The following NRXN1 variants were observed in gnomAD, a reference collection of about 807,000 sequenced individuals.
The protein encoded by NRXN1 is neurexin-1.
Under a neutral mutation model 150.9 loss-of-function variants are expected in NRXN1, and 39 were observed. The ratio of observed to expected loss-of-function variants is 0.26; its 90% CI spans 0.20 to 0.34. NRXN1 has a LOEUF of 0.34. Among genes scored for constraint, NRXN1 ranks in the 10% least tolerant of loss-of-function variants. NRXN1 has a pLI of 1.00. For synonymous variants in NRXN1, 924 were observed against 757.0 expected (o/e 1.22, Z -3.62); for missense variants, 1,815 against 1,949.9 (o/e 0.93, Z 1.30).
Position 50,194,505 on chromosome 2 carries a change from C to T in NRXN1, c.3546+42284G>A, listed in dbSNP as rs80191116. 8.2e-3 allele frequency among the ~76,000 whole-genome samples: 1,249 copies of T among 152,026 alleles called. 24 individuals are homozygous for T. The highest frequency in any genetic ancestry group is 0.028 in the African/African-American group (1,180 of 41,472). On this transcript the variant is annotated intron_variant, in intron 18 of 22. Transcript: ENST00000401669. The stretch of plus-strand genomic sequence containing the variant: ...AGTTCAAAAACTTTAAAGTTCTTTA[C>T]CCCCCCGATTCCCCAACTTCAAAAC...
chr2:50,106,333 G>A (rs1701639664), intron 18 of NRXN1, among the ~76,000 whole-genome samples: 1 of 151,834 alleles, frequency 6.6e-6, no homozygotes, highest in African/African-American at 2.4e-5. Context: ...TTAATGCAAG[G>A]AATCATAAAG....
intron 2 of NRXN1, among the ~76,000 whole-genome samples, chr2:50,974,335 T>C (rs1695493009): frequency 6.6e-6 from 1 of 152,170 alleles, no homozygotes; most frequent in Non-Finnish European, 1.5e-5. Flanking sequence ...CAACAGATCT[T>C]TAGGCCTGAA....
intron 9 of NRXN1, among the ~76,000 whole-genome samples, chr2:50,541,626 G>C (rs551823151): frequency 3.9e-5 from 6 of 152,082 alleles, no homozygotes; most frequent in Non-Finnish European, 7.4e-5. Flanking sequence ...CATTAGACTT[G>C]AGTTTTCTGA....
At position 50,706,740 on chromosome 2, in the gene NRXN1, C is replaced by T. The variant is rs1031452851; in HGVS notation, c.833-83125G>A. On this transcript the variant is annotated intron_variant, in intron 5 of 22. Transcript: ENST00000401669. ...GTTAAATGGGAATCTTATCAATGACCGGTGCATTTTTAATTTCAATATGAT... is the reference window on the plus strand; with the variant it reads ...GTTAAATGGGAATCTTATCAATGACTGGTGCATTTTTAATTTCAATATGAT... Among the ~76,000 whole-genome samples the T allele has an allele frequency of 9.9e-5, 15 of 151,386 alleles. No homozygotes were observed. The East Asian group carries it at 1.7e-3, about 18-fold the overall frequency.
At chr2:50,779,179 C>A (rs1307767235) in intron 5 of NRXN1, among the ~76,000 whole-genome samples, 2 of 152,074 alleles carry the variant, frequency 1.3e-5, no homozygotes, top group South Asian at 4.1e-4. Context: ...CCCCTAGCAC[C>A]CCTCACCCTG....
chr2:50,515,601 G>A (rs1436052168), intron 12 of NRXN1, among the ~76,000 whole-genome samples: 2 of 24,342 alleles, frequency 8.2e-5, no homozygotes, highest in Non-Finnish European at 1.4e-4. Context: ...AATGCTTGGG[G>A]TGTGTGTGTG....
At chr2:50,758,753 T>A (rs1285055018) in intron 5 of NRXN1, among the ~76,000 whole-genome samples, 1 of 151,936 alleles carries the variant, frequency 6.6e-6, no homozygotes, top group Non-Finnish European at 1.5e-5. Flanking sequence ...CAACTTCATG[T>A]CAGAAAGCAA....
chr2:50,531,663 TC>T (rs958747181), intron 10 of NRXN1, among the ~76,000 whole-genome samples: 1 of 152,058 alleles, frequency 6.6e-6, no homozygotes, highest in Non-Finnish European at 1.5e-5. Context: ...TATCAGCAGT[TC>T]CTTTTTTTTT....
At chr2:50,922,150 C>T (rs774248866) in intron 4 of NRXN1, among the ~76,000 whole-genome samples, 3 of 151,822 alleles carry the variant, frequency 2.0e-5, no homozygotes, top group African/African-American at 7.3e-5. Flanking sequence ...GAGAGACATA[C>T]AATAAATCTA....
intron 5 of NRXN1, among the ~76,000 whole-genome samples, chr2:50,828,635 G>A (rs1255396940): frequency 6.6e-6 from 1 of 151,754 alleles, no homozygotes; most frequent in Non-Finnish European, 1.5e-5. Context: ...AAGATGGGTG[G>A]CCGGGCAGAG....
chr2:50,162,893 ACTCT>A (rs1311678376), intron 18 of NRXN1, among the ~76,000 whole-genome samples: 1 of 151,740 alleles, frequency 6.6e-6, no homozygotes, highest in Non-Finnish European at 1.5e-5. Flanking sequence ...AGAATCATAT[ACTCT>A]CTCTTGTTAA....
rs535730808 is a variant in NRXN1 at position 50,813,957 on chromosome 2, AGAG to A, written c.832+107909_832+107911del. On this transcript the variant is annotated intron_variant, in intron 5 of 22. Coordinates refer to ENST00000401669, the MANE Select transcript of NRXN1 (RefSeq NM_001330078.2). The stretch of plus-strand genomic sequence containing the variant: ...GCTTAGTTGTTTCTACCAAGATTAA[AGAG>A]GAGATCATAGCCAAGTTTCTTTTAA... Among the ~76,000 whole-genome samples the A allele has an allele frequency of 2.5e-3, 384 of 152,328 alleles. 3 individuals carry two copies. The highest frequency in any genetic ancestry group is 6.8e-3 in the Middle Eastern group (2 of 294).
intron 17 of NRXN1, among the ~76,000 whole-genome samples, chr2:50,283,606 T>C (rs1357129289): frequency 2.0e-5 from 3 of 152,174 alleles, no homozygotes; most frequent in Non-Finnish European, 4.4e-5. Context: ...ATTATACTAC[T>C]CCTCAAATAG....
intron 16 of NRXN1, among the ~76,000 whole-genome samples, chr2:50,465,975 T>C (rs1415095052): frequency 6.6e-6 from 1 of 151,844 alleles, no homozygotes; most frequent in African/African-American, 2.4e-5. Context: ...TGAGATAAGA[T>C]TGGCAAAATA....
intron 17 of NRXN1, among the ~76,000 whole-genome samples, chr2:50,435,150 C>T (rs1416210358): frequency 6.6e-6 from 1 of 152,024 alleles, no homozygotes; most frequent in Non-Finnish European, 1.5e-5. Context: ...CTAAGTTTAG[C>T]AGAGAGAGTT....
intron 9 of NRXN1, among the ~76,000 whole-genome samples, chr2:50,543,535 A>T (rs1036538101): frequency 6.6e-6 from 1 of 152,158 alleles, no homozygotes; most frequent in Non-Finnish European, 1.5e-5. Flanking sequence ...TGTAAGAGGT[A>T]AAATGAAGGT....
chr2:50,916,581 A>G (rs1472604600), intron 5 of NRXN1, among the ~76,000 whole-genome samples: 1 of 151,664 alleles, frequency 6.6e-6, no homozygotes, highest in Non-Finnish European at 1.5e-5. Flanking sequence ...TCATAATTTG[A>G]AAGTTTTGCT....
chr2:49,973,615 G>GCA (rs34492177), intron 21 of NRXN1, among the ~76,000 whole-genome samples: 3,133 of 147,996 alleles, frequency 0.021, 39 homozygotes, highest in Middle Eastern at 0.038. Flanking sequence ...ACATACATAT[G>GCA]CACACACACA....
intron 18 of NRXN1, among the ~76,000 whole-genome samples, chr2:50,188,919 G>A (rs945337578): frequency 6.6e-6 from 1 of 152,114 alleles, no homozygotes; most frequent in African/African-American, 2.4e-5. Flanking sequence ...ACTGTTTTTG[G>A]GAGTGTAAAT....
Sources: gnomAD v4.1 joint callset for allele counts (sites outside exome capture counted in the v4.1 genomes callset) on GRCh38, gnomAD v4.1.1 for gene constraint, MANE v1.5 for transcripts, NCBI Gene and HGNC (gene_info 2026-07-23, HGNC 2026-07-21) for gene names.